BPIFB4: variants seen among roughly 807,000 people sequenced by gnomAD.
The protein encoded by BPIFB4 is BPI fold containing family B member 4.
In BPIFB4, 62 loss-of-function variants were observed where a neutral mutation model predicts 69.2. That is an observed-to-expected ratio of 0.90 (90% confidence interval 0.73 to 1.11). BPIFB4 has a LOEUF of 1.11. Among genes scored for constraint, BPIFB4 ranks in the 50% least tolerant of loss-of-function variants. The pLI, the probability that BPIFB4 is intolerant of heterozygous loss-of-function variation, is 0.00. For synonymous variants in BPIFB4, 330 were observed against 332.7 expected (o/e 0.99, Z 0.09); for missense variants, 789 against 792.0 (o/e 1.00, Z 0.04).
chr20:33,101,373 CACTG>C (rs1230670483), intron 14 of BPIFB4, among the ~76,000 whole-genome samples: 2 of 152,150 alleles, frequency 1.3e-5, no homozygotes, highest in Non-Finnish European at 1.5e-5. Context: ...CTGATGTGAC[CACTG>C]ACTGACTGTG....
At chr20:33,104,163 T>C (rs545806450) in intron 15 of BPIFB4, among the ~76,000 whole-genome samples, 4 of 152,270 alleles carry the variant, frequency 2.6e-5, no homozygotes, top group South Asian at 2.1e-4. Context: ...ATGTTACATA[T>C]AGGGGCTTAT....
In BPIFB4 at chr20:33,086,128, C is replaced by G; in HGVS notation, c.890C>G (p.Thr297Ser). 1 of 1,613,148 alleles carries G rather than the reference C, an allele frequency of 6.2e-7. No homozygotes were observed. The highest frequency in any genetic ancestry group is 8.5e-7 in the Non-Finnish European group (1 of 1,179,252). The stretch of plus-strand genomic sequence containing the variant: ...CGGCTGGTCATTGAGCGATGTGACA[C>G]CCTCCTAGGGGGCATCAAAGTCAAG... ...YPRLVIERCD[T>S]LLGGIKVKLL... Residue 297 changes from threonine to serine, a missense_variant, in exon 7 of 18, where the codon ACC (threonine) becomes AGC (serine). This residue lies in a region of BPIFB4 where 611 missense variants were observed against 575.4 expected (regional missense o/e 1.06). Transcript: ENST00000375483.
intron 3 of BPIFB4, among the ~76,000 whole-genome samples, chr20:33,081,925 C>T (rs1845365907): frequency 1.3e-5 from 2 of 152,204 alleles, no homozygotes; most frequent in Admixed American, 6.5e-5. Flanking sequence ...GACTGTGTGA[C>T]CTTAAGTTCA....
At position 33,103,631 on chromosome 20, in the gene BPIFB4, C is replaced by A. The variant is rs377136273; in HGVS notation, c.1680+617C>A. On this transcript the variant is annotated intron_variant, in intron 15 of 17. Coordinates refer to ENST00000375483, the MANE Select transcript of BPIFB4 (RefSeq NM_182519.3). ...AAACACTCCTTCCTCCCCACCCCCC[C>A]ACCTCCGCTTTTTATAAATTGACAA... 1.3e-3 allele frequency among the ~76,000 whole-genome samples: 181 copies of A among 144,070 alleles called. 1 individual carries two copies. The East Asian group carries it at 0.024, about 19-fold the overall frequency. 94.5% of individuals were successfully genotyped at this position (144,070 alleles called of 152,430 possible).
In BPIFB4 at chr20:33,097,644, C is replaced by A; in HGVS notation, c.1426C>A (p.Pro476Thr). ...GTTCCAGCAGTACCCCGAGTCCTGCCCACTTATCATCAGGATCCAGGTGCT... is the reference window on the plus strand; with the variant it reads ...GTTCCAGCAGTACCCCGAGTCCTGCACACTTATCATCAGGATCCAGGTGCT... ...KVFQQYPESCPLIIRIQVLNP... is the reference protein window; with the variant it reads ...KVFQQYPESCTLIIRIQVLNP... Residue 476 changes from proline to threonine, a missense_variant, in exon 13 of 18, where the codon CCA becomes ACA. Pro to Thr is a conservative substitution (Grantham distance 38). Coordinates refer to ENST00000375483, the MANE Select transcript of BPIFB4 (RefSeq NM_182519.3). 6.2e-7 allele frequency: 1 copy of A among 1,614,074 alleles called. No homozygotes were observed. The highest frequency in any genetic ancestry group is 8.5e-7 in the Non-Finnish European group (1 of 1,179,960).
At chr20:33,103,098 G>A (rs1363153468) in intron 15 of BPIFB4, 84 bp downstream of exon 15, 2 of 1,480,458 alleles carry the variant, frequency 1.4e-6, no homozygotes, top group Non-Finnish European at 1.9e-6. Context: ...TTCCTGTGAG[G>A]CTGGCTGGGC....
chr20:33,110,378 C>T (rs1328370429), intron 17 of BPIFB4, among the ~76,000 whole-genome samples: 3 of 152,342 alleles, frequency 2.0e-5, no homozygotes, highest in Non-Finnish European at 4.4e-5. Context: ...CCAGTGCATC[C>T]TTTCAGGGGA....
At chr20:33,083,937 C>T (rs1981340049) in intron 5 of BPIFB4, 63 bp downstream of exon 5, 1 of 1,510,340 alleles carries the variant, frequency 6.6e-7, no homozygotes, top group East Asian at 2.3e-5. Context: ...GGTGATCACT[C>T]CCTGAAGCTG....
chr20:33,092,719 C>T, intron 11 of BPIFB4, 61 bp downstream of exon 11: 2 of 1,476,796 alleles, frequency 1.4e-6, no homozygotes, highest in South Asian at 1.1e-5. Flanking sequence ...AGTGACCCTT[C>T]TCAGTCTCCA....
In BPIFB4 at chr20:33,111,656, G is replaced by A. The variant is rs1982242825; in HGVS notation, c.*219G>A. Reference sequence around the variant, plus strand: ...CCTTCCATGGTCAGCCTGCCAGGAGGAGGGGAGTCACCTTGGGGCTGGAGG... The same window carrying A: ...CCTTCCATGGTCAGCCTGCCAGGAGAAGGGGAGTCACCTTGGGGCTGGAGG... On this transcript the variant is annotated 3_prime_UTR_variant, in exon 18 of 18. Transcript: ENST00000375483. The A allele has an allele frequency of 5.1e-6, 3 of 592,802 alleles. No individual in the cohort carries two copies. In the South Asian group the frequency reaches 6.6e-5, roughly 13 times the overall value. The allele number at this position is 592,802 out of a possible 1,614,324, so 36.7% of individuals were successfully genotyped here.
chr20:33,085,949 G>A, intron 6 of BPIFB4, 72 bp from the exon 7 acceptor site: 1 of 1,521,038 alleles, frequency 6.6e-7, no homozygotes. Context: ...AGCAAGGACA[G>A]GCCTGGGTAA....
At chr20:33,110,902 A>C (rs1217644269) in intron 17 of BPIFB4, among the ~76,000 whole-genome samples, 4 of 135,860 alleles carry the variant, frequency 2.9e-5, no homozygotes, top group African/African-American at 1.1e-4. Context: ...TGTAACCTCC[A>C]CCTCCCGGGT....
chr20:33,107,430 T>TA (rs1299727704), intron 16 of BPIFB4, among the ~76,000 whole-genome samples: 1 of 151,870 alleles, frequency 6.6e-6, no homozygotes, highest in Non-Finnish European at 1.5e-5. Context: ...CTGTCTTTAC[T>TA]AAAACAAACA....
intron 3 of BPIFB4, among the ~76,000 whole-genome samples, chr20:33,082,346 T>C (rs1014507619): frequency 2.5e-5 from 3 of 119,868 alleles, no homozygotes; most frequent in African/African-American, 1.1e-4. Context: ...TATTTTATTT[T>C]ATTTGAGACG....
At chr20:33,079,764 AAT>A (rs1457189781) in intron 1 of BPIFB4, 61 bp downstream of exon 1, 1 of 152,274 alleles carries the variant, frequency 6.6e-6, no homozygotes, top group African/African-American at 2.4e-5. Context: ...CTGGGAAGGT[AAT>A]AAGGAGAGAG....
intron 7 of BPIFB4, among the ~76,000 whole-genome samples, chr20:33,088,340 CAAAAA>C (rs11167197): frequency 8.1e-6 from 1 of 122,836 alleles, no homozygotes; most frequent in African/African-American, 3.1e-5. Flanking sequence ...GACTCTGTCT[CAAAAA>C]AAAAAAAAAA....
rs763159635 is a variant in BPIFB4 at position 33,089,481 on chromosome 20, C to T, written c.991-17C>T. 1 of 1,614,190 alleles carries T rather than the reference C, an allele frequency of 6.2e-7. No individual in the cohort carries two copies. Among genetic ancestry groups the T allele is most frequent in the Non-Finnish European group, 8.5e-7 (1 of 1,180,016 alleles). ...CCTGCAGCGTCAACAAGGCTTTGTG[C>T]CATTTCTCCCCTGCAGCTCTGCCCC... On this transcript the variant is annotated splice_polypyrimidine_tract_variant and intron_variant, in intron 8 of 17. Transcript: ENST00000375483.
At chr20:33,087,404 G>T (rs562858651) in intron 7 of BPIFB4, among the ~76,000 whole-genome samples, 1 of 152,188 alleles carries the variant, frequency 6.6e-6, no homozygotes, top group East Asian at 1.9e-4. Flanking sequence ...TATAAATACT[G>T]TTTTGCACTT....
chr20:33,094,238 T>C (rs768565723), intron 11 of BPIFB4, among the ~76,000 whole-genome samples: 5 of 152,238 alleles, frequency 3.3e-5, no homozygotes, highest in Admixed American at 6.5e-5. Flanking sequence ...ATGATATCCA[T>C]GCAGAAGGTA....
Sources: allele counts gnomAD v4.1 joint callset (sites outside exome capture counted in the v4.1 genomes callset), GRCh38; gene constraint gnomAD v4.1.1; regional missense constraint gnomAD v4.1.1; transcripts MANE v1.5; gene names NCBI Gene and HGNC (gene_info 2026-07-23, HGNC 2026-07-21).